ZC3H6: variants seen among roughly 807,000 people sequenced by gnomAD.
The protein encoded by ZC3H6 is zinc finger CCCH domain-containing protein 6.
In ZC3H6, 40 loss-of-function variants were observed where a neutral mutation model predicts 107.7. That is an observed-to-expected ratio of 0.37 (90% CI 0.29 to 0.48). The LOEUF is 0.48. Among genes scored for constraint, ZC3H6 ranks in the 20% least tolerant of loss-of-function variants. The pLI, the probability that ZC3H6 is intolerant of heterozygous loss-of-function variation, is 0.98. For synonymous variants in ZC3H6, 493 were observed against 487.9 expected, an observed-to-expected ratio of 1.01 and a Z score of -0.14; for missense variants, 1,267 against 1,410.4, an observed-to-expected ratio of 0.90 and a Z score of 1.63.
At chr2:112,282,317 A>C (rs1044347906) in intron 1 of ZC3H6, among the ~76,000 whole-genome samples, 4 of 152,242 alleles carry the variant, frequency 2.6e-5, no homozygotes, top group Non-Finnish European at 4.4e-5. Flanking sequence ...TGTGAAACAC[A>C]GTGGCCCTGC....
Position 112,302,623 on chromosome 2 carries a change from A to AT in ZC3H6, c.214-598dup, listed in dbSNP as rs1187850218. Among the ~76,000 whole-genome samples, 10 of 151,972 alleles carry AT rather than the reference A, an allele frequency of 6.6e-5. No homozygotes were observed. In the South Asian group the frequency reaches 1.0e-3, roughly 16 times the overall value. On this transcript the variant is annotated intron_variant, in intron 2 of 11. Coordinates refer to ENST00000409871, the MANE Select transcript of ZC3H6 (RefSeq NM_198581.3). ...GACCAGATGGAGGAGATTTGGTCCC[A>AT]TTTTTTTTGAAATTGTATTAATACT...
intron 9 of ZC3H6, 106 bp downstream of exon 9, chr2:112,323,008 G>T: frequency 1.6e-6 from 2 of 1,234,860 alleles, no homozygotes; most frequent in Non-Finnish European, 2.2e-6. Context: ...CTTGGTTAGA[G>T]ATAGCACATA....
intron 1 of ZC3H6, among the ~76,000 whole-genome samples, chr2:112,279,366 A>G (rs1686486007): frequency 6.6e-6 from 1 of 152,226 alleles, no homozygotes; most frequent in Non-Finnish European, 1.5e-5. Context: ...AATATAACCC[A>G]AGTAATTGTT....
chr2:112,290,274 C>CTA (rs1352436889), intron 1 of ZC3H6, among the ~76,000 whole-genome samples: 1 of 152,236 alleles, frequency 6.6e-6, no homozygotes, highest in East Asian at 1.9e-4. Context: ...GTCTCAGTTC[C>CTA]TATAGTGTGT....
chr2:112,320,319 G>A (rs919507995), intron 7 of ZC3H6, among the ~76,000 whole-genome samples: 1 of 152,166 alleles, frequency 6.6e-6, no homozygotes, highest in African/African-American at 2.4e-5. Flanking sequence ...AATATGGACT[G>A]TATTTTAATA....
At chr2:112,300,972 A>G (rs987279174) in intron 2 of ZC3H6, among the ~76,000 whole-genome samples, 2 of 152,252 alleles carry the variant, frequency 1.3e-5, no homozygotes, top group Non-Finnish European at 2.9e-5. Flanking sequence ...AAAAAAAGGA[A>G]GAAACAAGTT....
Position 112,338,885 on chromosome 2 carries a change from AT to A in ZC3H6, c.*6398del, listed in dbSNP as rs1677189897. On this transcript the variant is annotated 3_prime_UTR_variant, in exon 12 of 12. Transcript: ENST00000409871. ...TATATATATATATATATATATATAT[AT>A]ATATATATATATATATATATATATA... 1 of 33,230 alleles carries A rather than the reference AT, an allele frequency of 3.0e-5. No individual in the cohort carries two copies. The allele number at this position is 33,230 out of a possible 1,614,324, so 2.1% of individuals were successfully genotyped here. A position where few individuals can be genotyped will look rare whatever the true frequency, so the allele number is the denominator to read the frequency against.
rs544442894 is a variant in ZC3H6 at position 112,289,885 on chromosome 2, C to T, written c.33-9964C>T. Among the ~76,000 whole-genome samples the T allele has an allele frequency of 1.2e-4, 18 of 152,212 alleles. No individual in the cohort carries two copies. In the East Asian group the frequency reaches 3.5e-3, roughly 29 times the overall value. On this transcript the variant is annotated intron_variant, in intron 1 of 11. Coordinates refer to ENST00000409871, the MANE Select transcript of ZC3H6 (RefSeq NM_198581.3). ...CCTCCAGAGTGGCTGGAGCCACAGC[C>T]ACGCACCTAACACCTGGTTCATTTT...
At chr2:112,298,709 G>A (rs1676297929) in intron 1 of ZC3H6, among the ~76,000 whole-genome samples, 1 of 152,180 alleles carries the variant, frequency 6.6e-6, no homozygotes, top group Non-Finnish European at 1.5e-5. Flanking sequence ...TGAATATACA[G>A]CCATGAAATG....
At chr2:112,317,432 G>T (rs1676720292) in intron 7 of ZC3H6, 100 bp downstream of exon 7, 2 of 640,816 alleles carry the variant, frequency 3.1e-6, no homozygotes, top group Non-Finnish European at 5.0e-6. Flanking sequence ...AGCCTAGTTT[G>T]GTTTTAAATT....
rs1322055063 is a variant in ZC3H6 at position 112,305,710 on chromosome 2, AC to A, written c.336+2360del. On this transcript the variant is annotated intron_variant, in intron 3 of 11. Transcript: ENST00000409871. ...GCCTTTGCTTAGCATATCTTATAGCACAGGTTTGCTATCAAATTCTCTCAGT... is the reference window on the plus strand; with the variant it reads ...GCCTTTGCTTAGCATATCTTATAGCAAGGTTTGCTATCAAATTCTCTCAGT... Among the ~76,000 whole-genome samples, 4 of 152,224 alleles carry A rather than the reference AC, an allele frequency of 2.6e-5. No individual in the cohort carries two copies. In the East Asian group the frequency reaches 7.7e-4, roughly 29 times the overall value.
chr2:112,325,479 G>T (rs1299063974), intron 11 of ZC3H6, among the ~76,000 whole-genome samples: 1 of 150,490 alleles, frequency 6.6e-6, no homozygotes, highest in Non-Finnish European at 1.5e-5. Flanking sequence ...AAAAAAAAAA[G>T]GATTAAAAAT....
In ZC3H6 at chr2:112,321,835, A is replaced by G; in HGVS notation, c.1056A>G (p.Leu352=). 1.3e-6 allele frequency: 2 copies of G among 1,530,580 alleles called. No individual in the cohort carries two copies. The highest frequency in any genetic ancestry group is 8.8e-7 in the Non-Finnish European group (1 of 1,135,886). 94.8% of individuals were successfully genotyped at this position (1,530,580 alleles called of 1,614,324 possible). ...ACTGTAAATTTTCCCATGATGATCT[A>G]ACTAAAGAAACAAAGAAACTTTTGG... The part of the protein sequence containing the change: ...GDNCKFSHDD[L]TKETKKLLDK... The change falls in exon 8 of 12, where the codon CTA becomes CTG. Residue 352 remains leucine, a synonymous_variant. Transcript: ENST00000409871.
At chr2:112,324,929 C>T in intron 10 of ZC3H6, 35 bp from the exon 11 acceptor site, 1 of 1,553,638 alleles carries the variant, frequency 6.4e-7, no homozygotes, top group Middle Eastern at 1.7e-4. Context: ...TTTGTGCTCA[C>T]TCAATGACTG....
rs1398405322 is a variant in ZC3H6, at chr2:112,324,321, T to C, written c.1510T>C (p.Cys504Arg). 7.4e-6 allele frequency: 12 copies of C among 1,613,850 alleles called. No homozygotes were observed. Among genetic ancestry groups the C allele is most frequent in the East Asian group, 2.2e-5 (1 of 44,892 alleles). Reference sequence around the variant, plus strand: ...CCCAGGCTCCCCTGGACATCACCCATGTGCAGGACCTCCTGGTCTACCAGT... The same window carrying C: ...CCCAGGCTCCCCTGGACATCACCCACGTGCAGGACCTCCTGGTCTACCAGT... ...MHPGSPGHHP[C>R]AGPPGLPVPQ... The change falls in exon 10 of 12, where the codon TGT (cysteine) becomes CGT (arginine). Residue 504 changes from cysteine to arginine, a missense_variant. Cys to Arg is a radical substitution (Grantham distance 180). Around this residue, in one of 3 missense-constraint regions of ZC3H6, gnomAD observed 925 missense variants for 1,025.7 expected, o/e 0.90. Coordinates refer to ENST00000409871, the MANE Select transcript of ZC3H6 (RefSeq NM_198581.3).
At chr2:112,299,276 C>CAAA (rs59319982) in intron 1 of ZC3H6, among the ~76,000 whole-genome samples, 3 of 116,596 alleles carry the variant, frequency 2.6e-5, no homozygotes, top group Admixed American at 8.8e-5. Context: ...GACTCCATCT[C>CAAA]AAAAAAAAAA....
At chr2:112,322,532 C>A in intron 8 of ZC3H6, 117 bp from the exon 9 acceptor site, 1 of 1,182,920 alleles carries the variant, frequency 8.5e-7, no homozygotes, top group Non-Finnish European at 1.2e-6. Flanking sequence ...TGAGCCACTG[C>A]GACCAGCCCA....
At position 112,338,580 on chromosome 2, in the gene ZC3H6, T is replaced by C. The variant is rs1270898186; in HGVS notation, c.*6092T>C. On this transcript the variant is annotated 3_prime_UTR_variant, in exon 12 of 12. Coordinates refer to ENST00000409871, the MANE Select transcript of ZC3H6 (RefSeq NM_198581.3). ...AGAGTTTATAAGAAAAAAGTGAATA[T>C]ATAGCTAATTATAGCATTTTAGAAA... 1.3e-5 allele frequency: 2 copies of C among 152,036 alleles called. No homozygotes were observed. Among genetic ancestry groups the C allele is most frequent in the Non-Finnish European group, 2.9e-5 (2 of 68,010 alleles). 9.4% of individuals were successfully genotyped at this position (152,036 alleles called of 1,614,324 possible).
intron 1 of ZC3H6, among the ~76,000 whole-genome samples, chr2:112,284,868 C>G (rs1686579177): frequency 6.6e-6 from 1 of 151,018 alleles, no homozygotes; most frequent in African/African-American, 2.4e-5. Context: ...GAAGAATTCC[C>G]AAATAAGATT....
Sources: gnomAD v4.1 joint callset for allele counts (sites outside exome capture counted in the v4.1 genomes callset) on GRCh38, gnomAD v4.1.1 for gene constraint, gnomAD v4.1.1 regional missense constraint, MANE v1.5 for transcripts, NCBI Gene and HGNC (gene_info 2026-07-23, HGNC 2026-07-21) for gene names.